Variants in ARMH3 observed in about 807,000 individuals in gnomAD.
ARMH3 encodes armadillo-like helical domain-containing protein 3.
ARMH3 carries 60 observed loss-of-function variants against 99.1 expected under a neutral mutation model. That is an observed-to-expected ratio of 0.61 (90% CI 0.49 to 0.75). The LOEUF (loss-of-function observed/expected upper bound fraction) is 0.75. Ranked by LOEUF, ARMH3 falls within the 30% of genes least tolerant of loss-of-function variation. ARMH3 has a pLI of 0.00. For missense variants in ARMH3, 679 were observed against 843.1 expected (o/e 0.81, Z 2.41); for synonymous variants, 285 against 292.8 (o/e 0.97, Z 0.27).
chr10:101,847,854 G>A (rs1451005025), intron 25 of ARMH3, among the ~76,000 whole-genome samples: 2 of 152,214 alleles, frequency 1.3e-5, no homozygotes, highest in African/African-American at 4.8e-5. Context: ...GATGTAAGAA[G>A]AGCATCTGGG....
chr10:101,891,310 C>G (rs542540381), intron 23 of ARMH3, among the ~76,000 whole-genome samples: 1 of 152,184 alleles, frequency 6.6e-6, no homozygotes, highest in Non-Finnish European at 1.5e-5. Flanking sequence ...ATTCTTCTGC[C>G]TCAGCTTCCC....
intron 22 of ARMH3, among the ~76,000 whole-genome samples, chr10:101,946,630 T>C (rs1416745295): frequency 6.6e-6 from 1 of 151,246 alleles, no homozygotes; most frequent in East Asian, 1.9e-4. Context: ...TAGAGACAAA[T>C]GGGGGAGGGG....
chr10:101,864,107 A>AC (rs1491425100), intron 24 of ARMH3, among the ~76,000 whole-genome samples: 6 of 151,252 alleles, frequency 4.0e-5, no homozygotes, highest in Admixed American at 2.0e-4. Context: ...ACACACACAC[A>AC]AAAACCAGAC....
chr10:101,888,561 C>T (rs779773556), intron 24 of ARMH3, among the ~76,000 whole-genome samples: 2 of 152,206 alleles, frequency 1.3e-5, no homozygotes, highest in African/African-American at 2.4e-5. Flanking sequence ...AGCTGGCTGG[C>T]TGGCTCTGCC....
chr10:102,012,263 T>C (rs2066647479), intron 10 of ARMH3, among the ~76,000 whole-genome samples: 1 of 152,206 alleles, frequency 6.6e-6, no homozygotes, highest in African/African-American at 2.4e-5. Context: ...TGCCTGGCCC[T>C]TGCCAGAATT....
chr10:101,944,255 TATATATATATATATATATAGAGAGAGAG>T (rs1316294363), intron 22 of ARMH3, among the ~76,000 whole-genome samples: 4 of 55,928 alleles, frequency 7.2e-5, no homozygotes, highest in African/African-American at 3.6e-4. Flanking sequence ...TATATATATA[TATATATATATATATATATAGAGAGAGAG>T]AGAGAGAGAG....
chr10:101,998,699 GTCT>G (rs2136046324), intron 15 of ARMH3, among the ~76,000 whole-genome samples: 1 of 152,192 alleles, frequency 6.6e-6, no homozygotes, highest in Non-Finnish European at 1.5e-5. Context: ...CCGAATCCTG[GTCT>G]TCTCCTCCTA....
At chr10:101,975,961 T>G (rs1323832405) in intron 19 of ARMH3, among the ~76,000 whole-genome samples, 1 of 147,732 alleles carries the variant, frequency 6.8e-6, no homozygotes, top group Non-Finnish European at 1.5e-5. Flanking sequence ...AAGACCATCC[T>G]GGCTAACAAG....
At chr10:101,953,286 C>T (rs1844878279) in intron 22 of ARMH3, among the ~76,000 whole-genome samples, 2 of 152,172 alleles carry the variant, frequency 1.3e-5, no homozygotes, top group African/African-American at 4.8e-5. Flanking sequence ...TGCACTGCCA[C>T]ACCTAGATAA....
At chr10:101,983,681 C>T (rs1275155609) in intron 19 of ARMH3, among the ~76,000 whole-genome samples, 2 of 152,194 alleles carry the variant, frequency 1.3e-5, no homozygotes, top group African/African-American at 2.4e-5. Context: ...AATTCATCTA[C>T]GTGCAGGGAG....
intron 23 of ARMH3, among the ~76,000 whole-genome samples, chr10:101,898,751 C>T (rs546966169): frequency 4.6e-5 from 7 of 152,226 alleles, no homozygotes; most frequent in African/African-American, 1.7e-4. Context: ...CCTAAAACTA[C>T]TCTTATAAGA....
chr10:101,869,173 G>A (rs534858920), intron 24 of ARMH3, among the ~76,000 whole-genome samples: 1 of 152,218 alleles, frequency 6.6e-6, no homozygotes, highest in East Asian at 1.9e-4. Context: ...TGCACAGGGG[G>A]CCAGTGCCTC....
At chr10:101,870,580 T>C (rs1387018737) in intron 24 of ARMH3, among the ~76,000 whole-genome samples, 1 of 152,168 alleles carries the variant, frequency 6.6e-6, no homozygotes, top group Non-Finnish European at 1.5e-5. Flanking sequence ...TTTTCCCTAA[T>C]AAAATATTGG....
At chr10:101,895,404 C>T (rs2067801051) in intron 23 of ARMH3, among the ~76,000 whole-genome samples, 2 of 151,892 alleles carry the variant, frequency 1.3e-5, no homozygotes, top group Non-Finnish European at 2.9e-5. Flanking sequence ...ATCAGCCTCC[C>T]GAGTAGCTGG....
intron 24 of ARMH3, among the ~76,000 whole-genome samples, chr10:101,861,833 C>T (rs1408560637): frequency 6.9e-6 from 1 of 144,914 alleles, no homozygotes; most frequent in African/African-American, 2.6e-5. Flanking sequence ...GAGATCAAGA[C>T]CATCCTGGCT....
chr10:101,960,294 T>A (rs1845228721), intron 20 of ARMH3, among the ~76,000 whole-genome samples: 1 of 152,222 alleles, frequency 6.6e-6, no homozygotes, highest in Non-Finnish European at 1.5e-5. Context: ...CATGAAATAG[T>A]GCTTTTCTCC....
At chr10:102,046,688 G>A (rs1308647126) in intron 1 of ARMH3, among the ~76,000 whole-genome samples, 1 of 152,164 alleles carries the variant, frequency 6.6e-6, no homozygotes, top group Admixed American at 6.6e-5. Flanking sequence ...AACTTGTACA[G>A]ATAAGTGAGT....
At chr10:101,875,990 T>TG (rs932431278) in intron 24 of ARMH3, among the ~76,000 whole-genome samples, 2 of 152,116 alleles carry the variant, frequency 1.3e-5, no homozygotes, top group African/African-American at 4.8e-5. Context: ...GGTTCACGCC[T>TG]GTAATCCCAA....
intron 23 of ARMH3, among the ~76,000 whole-genome samples, chr10:101,911,042 A>C (rs1295039889): frequency 6.6e-6 from 1 of 151,624 alleles, no homozygotes; most frequent in Non-Finnish European, 1.5e-5. Context: ...CGGGAGACTG[A>C]TGCAGGAGAA....
Sources: gnomAD v4.1 joint callset for allele counts (sites outside exome capture counted in the v4.1 genomes callset) on GRCh38, gnomAD v4.1.1 for gene constraint, MANE v1.5 for transcripts, NCBI Gene and HGNC (gene_info 2026-07-23, HGNC 2026-07-21) for gene names.